Variants in IPO11 observed in about 807,000 individuals in gnomAD.
IPO11 encodes the protein importin-11.
A neutral mutation model predicts 143.2 loss-of-function variants in IPO11; 66 were observed. That is an observed-to-expected ratio of 0.46 (90% CI 0.38 to 0.57). The LOEUF (loss-of-function observed/expected upper bound fraction) is 0.57, where lower values mean the gene tolerates loss of function less well. IPO11 is among the 20% of genes least tolerant of loss of function. The pLI is 0.00. For synonymous variants in IPO11, 385 were observed against 377.8 expected (o/e 1.02, Z -0.22); for missense variants, 1,026 against 1,141.0 (o/e 0.90, Z 1.45).
intron 20 of IPO11, among the ~76,000 whole-genome samples, chr5:62,524,632 C>G (rs1001250628): frequency 1.3e-5 from 2 of 151,962 alleles, no homozygotes; most frequent in Non-Finnish European, 2.9e-5. Context: ...CTTAATAAAG[C>G]CTTCCAAGTG....
chr5:62,612,469 T>C (rs977945673), intron 29 of IPO11, among the ~76,000 whole-genome samples: 3 of 152,214 alleles, frequency 2.0e-5, no homozygotes, highest in Admixed American at 6.5e-5. Context: ...TTCTTTACTT[T>C]AACCAAAACA....
chr5:62,505,588 T>C (rs1405055050), intron 18 of IPO11, among the ~76,000 whole-genome samples: 2 of 152,112 alleles, frequency 1.3e-5, no homozygotes, highest in Non-Finnish European at 2.9e-5. Flanking sequence ...AAGTGTGTGC[T>C]AAAATGAACC....
chr5:62,442,418 C>T (rs152184), intron 2 of IPO11, among the ~76,000 whole-genome samples: 88,811 of 152,068 alleles, frequency 0.58, 26,206 homozygotes, highest in South Asian at 0.68. Flanking sequence ...CAGAATAGTA[C>T]AATGACTCTA....
In IPO11 at chr5:62,541,370, T is replaced by G. The variant is rs536474348; in HGVS notation, c.2250+4081T>G. Among the ~76,000 whole-genome samples, 689 of 140,048 alleles carry G rather than the reference T, an allele frequency of 4.9e-3. 5 individuals are homozygous for G. The highest frequency in any genetic ancestry group is 0.017 in the African/African-American group (644 of 37,272). 91.9% of individuals were successfully genotyped at this position (140,048 alleles called of 152,430 possible). ...TGGGCAACAAGAGCGAAACGCTGTC[T>G]CAAAAAAAAAAAAAAAAATTGTATT... On this transcript the variant is annotated intron_variant, in intron 24 of 29. Coordinates refer to ENST00000325324, the MANE Select transcript of IPO11 (RefSeq NM_016338.5).
chr5:62,495,526 G>A (rs1286120798), intron 16 of IPO11, among the ~76,000 whole-genome samples: 1 of 152,190 alleles, frequency 6.6e-6, no homozygotes, highest in East Asian at 1.9e-4. Flanking sequence ...CTCGGTTGCA[G>A]TGCAGTGATA....
intron 1 of IPO11, among the ~76,000 whole-genome samples, chr5:62,425,735 G>T (rs893072328): frequency 6.6e-6 from 1 of 152,208 alleles, no homozygotes; most frequent in African/African-American, 2.4e-5. Context: ...TGAAAGTAAA[G>T]ATACGATTGC....
At chr5:62,451,283 T>G (rs776389278) in intron 4 of IPO11, among the ~76,000 whole-genome samples, 16 of 152,190 alleles carry the variant, frequency 1.1e-4, no homozygotes, top group Non-Finnish European at 1.9e-4. Context: ...ACTGAGAAAC[T>G]TAAAAATATT....
At chr5:62,435,136 G>GTGTATATATGTA (rs1744149264) in intron 1 of IPO11, among the ~76,000 whole-genome samples, 6 of 95,900 alleles carry the variant, frequency 6.3e-5, no homozygotes, top group African/African-American at 2.8e-4. Flanking sequence ...GTATATATAT[G>GTGTATATATGTA]TATATATGTA....
At chr5:62,573,196 A>G (rs889786082) in intron 27 of IPO11, among the ~76,000 whole-genome samples, 7 of 151,776 alleles carry the variant, frequency 4.6e-5, no homozygotes, top group Admixed American at 2.0e-4. Context: ...TTAAAGCTTT[A>G]CTCTTAATTT....
At chr5:62,424,152 T>A (rs1201317028) in intron 1 of IPO11, among the ~76,000 whole-genome samples, 3 of 146,300 alleles carry the variant, frequency 2.1e-5, no homozygotes, top group African/African-American at 7.5e-5. Flanking sequence ...TTTTTTTTTG[T>A]TTTTTGAGAT....
intron 20 of IPO11, among the ~76,000 whole-genome samples, chr5:62,517,937 C>G (rs1742081083): frequency 1.3e-5 from 2 of 152,092 alleles, no homozygotes; most frequent in African/African-American, 4.8e-5. Context: ...TTGGAGAAAG[C>G]ATATAACATA....
intron 24 of IPO11, among the ~76,000 whole-genome samples, chr5:62,544,520 A>T (rs929338265): frequency 6.6e-6 from 1 of 152,198 alleles, no homozygotes; most frequent in African/African-American, 2.4e-5. Context: ...AACTGGAAGC[A>T]TTCCCTTTGA....
At chr5:62,473,294 C>T (rs1315017260) in intron 7 of IPO11, among the ~76,000 whole-genome samples, 1 of 152,022 alleles carries the variant, frequency 6.6e-6, no homozygotes, top group East Asian at 1.9e-4. Context: ...TTTTACTCTG[C>T]TTTTAGCTTT....
intron 24 of IPO11, among the ~76,000 whole-genome samples, chr5:62,545,358 G>C (rs368060832): frequency 8.8e-4 from 134 of 152,030 alleles, no homozygotes; most frequent in African/African-American, 2.9e-3. Flanking sequence ...AAAGGATTCC[G>C]TATTTAATAA....
chr5:62,533,029 A>G (rs912508057), intron 22 of IPO11, among the ~76,000 whole-genome samples: 1 of 152,146 alleles, frequency 6.6e-6, no homozygotes, highest in Non-Finnish European at 1.5e-5. Context: ...TATTGTTCAA[A>G]CAAAAAAGAT....
intron 19 of IPO11, among the ~76,000 whole-genome samples, chr5:62,515,066 G>A (rs1021172015): frequency 1.3e-5 from 2 of 152,018 alleles, no homozygotes; most frequent in Non-Finnish European, 2.9e-5. Flanking sequence ...TTTCCAATTT[G>A]GTAAGCTGTT....
At chr5:62,473,496 T>C (rs755429811) in intron 7 of IPO11, among the ~76,000 whole-genome samples, 44 of 152,162 alleles carry the variant, frequency 2.9e-4, no homozygotes, top group Non-Finnish European at 5.7e-4. Flanking sequence ...AGACACTAAG[T>C]CTTCAGATAA....
At chr5:62,612,666 G>A (rs1313513521) in intron 29 of IPO11, among the ~76,000 whole-genome samples, 1 of 152,186 alleles carries the variant, frequency 6.6e-6, no homozygotes, top group Non-Finnish European at 1.5e-5. Context: ...TTTAAAGTGA[G>A]TTGATAAGTA....
chr5:62,459,181 G>A (rs529753325), intron 5 of IPO11, among the ~76,000 whole-genome samples: 9 of 152,130 alleles, frequency 5.9e-5, no homozygotes, highest in South Asian at 2.1e-4. Context: ...GAAGAGAGGC[G>A]TAAGGCTGTT....
Sources: allele counts gnomAD v4.1 joint callset (sites outside exome capture counted in the v4.1 genomes callset), GRCh38; gene constraint gnomAD v4.1.1; transcripts MANE v1.5; gene names NCBI Gene and HGNC (gene_info 2026-07-23, HGNC 2026-07-21).